The following SLC6A15 variants were observed in gnomAD, a reference collection of about 807,000 sequenced individuals.
SLC6A15 encodes the protein solute carrier family 6 member 15.
In SLC6A15, 33 loss-of-function variants were observed where a neutral mutation model predicts 68.5. The observed-to-expected ratio is 0.48, with a 90% CI of 0.37 to 0.64. SLC6A15 has a LOEUF of 0.64. Among genes scored for constraint, SLC6A15 ranks in the 30% least tolerant of loss-of-function variants. The pLI, the probability that SLC6A15 is intolerant of heterozygous loss-of-function variation, is 0.00. For synonymous variants in SLC6A15, 347 were observed against 301.0 expected, an observed-to-expected ratio of 1.15 and a Z score of -1.58; for missense variants, 747 against 874.3, an observed-to-expected ratio of 0.85 and a Z score of 1.84.
chr12:84,906,186 T>C (rs1028665309), intron 1 of SLC6A15, among the ~76,000 whole-genome samples: 3 of 152,108 alleles, frequency 2.0e-5, no homozygotes, highest in Admixed American at 2.0e-4. Flanking sequence ...AAAAATGCAA[T>C]AGCATTTACA....
At chr12:84,910,927 C>T (rs1293788793) in intron 1 of SLC6A15, among the ~76,000 whole-genome samples, 1 of 129,016 alleles carries the variant, frequency 7.8e-6, no homozygotes, top group Non-Finnish European at 1.6e-5. Context: ...CGCCCTCTTT[C>T]CGTGTGTGTG....
intron 1 of SLC6A15, among the ~76,000 whole-genome samples, chr12:84,893,243 C>G (rs1053934087): frequency 6.6e-6 from 1 of 152,096 alleles, no homozygotes; most frequent in Non-Finnish European, 1.5e-5. Flanking sequence ...AACATTATTA[C>G]AACAGGAAAG....
chr12:84,863,763 A>C (rs1870951179), intron 10 of SLC6A15, among the ~76,000 whole-genome samples, 162 bp from the exon 11 acceptor site: 1 of 152,120 alleles, frequency 6.6e-6, no homozygotes, highest in Admixed American at 6.5e-5. Flanking sequence ...AAGTAAAATG[A>C]AGCCAGGTAA....
intron 9 of SLC6A15, chr12:84,867,511 C>T (rs190678575): frequency 1.0e-3 from 165 of 164,752 alleles, no homozygotes; most frequent in African/African-American, 3.5e-3. Context: ...ATACTCTATT[C>T]GTATAATTAA....
In SLC6A15 at chr12:84,876,641, A is replaced by G. The variant is rs189587484; in HGVS notation, c.757-34T>C. ...AAATAAAAATAAAAATAAGTGAGATACAATGACCATTTTTTTATAGATAAG... is the reference window on the plus strand; with the variant it reads ...AAATAAAAATAAAAATAAGTGAGATGCAATGACCATTTTTTTATAGATAAG... On this transcript the variant is annotated intron_variant, in intron 5 of 11. Coordinates refer to ENST00000266682, the MANE Select transcript of SLC6A15 (RefSeq NM_182767.6). 2.2e-5 allele frequency: 23 copies of G among 1,027,814 alleles called. No individual in the cohort carries two copies. In the African/African-American group the frequency reaches 3.4e-4, roughly 15 times the overall value. The allele number at this position is 1,027,814 out of a possible 1,614,324, so 63.7% of individuals were successfully genotyped here.
At chr12:84,900,891 T>C (rs1179150538) in intron 1 of SLC6A15, among the ~76,000 whole-genome samples, 1 of 131,060 alleles carries the variant, frequency 7.6e-6, no homozygotes, top group Non-Finnish European at 1.6e-5. Flanking sequence ...AGTGGGTGTA[T>C]ATATGTGTAT....
At chr12:84,908,875 A>G (rs937568114) in intron 1 of SLC6A15, among the ~76,000 whole-genome samples, 23 of 152,140 alleles carry the variant, frequency 1.5e-4, no homozygotes, top group Admixed American at 2.6e-4. Context: ...AAATTCTTCA[A>G]AACTCTTGAT....
chr12:84,876,000 G>T (rs975744063), intron 6 of SLC6A15, among the ~76,000 whole-genome samples: 1 of 151,290 alleles, frequency 6.6e-6, no homozygotes, highest in Non-Finnish European at 1.5e-5. Context: ...CTCTGAGAGA[G>T]TATTTTAGGG....
intron 1 of SLC6A15, among the ~76,000 whole-genome samples, chr12:84,906,302 G>A (rs1253452651): frequency 6.7e-6 from 1 of 148,890 alleles, no homozygotes; most frequent in Non-Finnish European, 1.5e-5. Flanking sequence ...AGATCTAAAT[G>A]TATGGGAAGA....
At chr12:84,880,269 G>C (rs1227216541) in intron 5 of SLC6A15, among the ~76,000 whole-genome samples, 1 of 152,086 alleles carries the variant, frequency 6.6e-6, no homozygotes, top group African/African-American at 2.4e-5. Context: ...GGAGTCAGCA[G>C]GTTACTTAAA....
At chr12:84,889,174 C>T (rs995151537) in intron 2 of SLC6A15, among the ~76,000 whole-genome samples, 3 of 152,124 alleles carry the variant, frequency 2.0e-5, no homozygotes, top group Non-Finnish European at 4.4e-5. Flanking sequence ...TATATGGCTG[C>T]CTATACTTCA....
intron 11 of SLC6A15, among the ~76,000 whole-genome samples, chr12:84,862,977 G>C (rs906105548): frequency 3.9e-5 from 6 of 152,062 alleles, no homozygotes; most frequent in Non-Finnish European, 7.4e-5. Flanking sequence ...CTTTTGTAGA[G>C]ACAGGGATTC....
chr12:84,878,757 T>C (rs1871678042), intron 5 of SLC6A15, among the ~76,000 whole-genome samples: 2 of 152,200 alleles, frequency 1.3e-5, no homozygotes, highest in South Asian at 2.1e-4. Context: ...AATCTACCCT[T>C]AGTATGTCCC....
chr12:84,909,645 A>G (rs1873344296), intron 1 of SLC6A15, among the ~76,000 whole-genome samples: 3 of 152,186 alleles, frequency 2.0e-5, no homozygotes, highest in Non-Finnish European at 2.9e-5. Context: ...TCTACTCTGC[A>G]CAGCTGCATA....
rs907935981 is a variant in SLC6A15, at chr12:84,873,245, G to A, written c.951C>T (p.Val317=). The A allele has an allele frequency of 6.2e-6, 10 of 1,613,886 alleles. No individual in the cohort carries two copies. The highest frequency in any genetic ancestry group is 6.8e-6 in the Non-Finnish European group (8 of 1,179,954). Residue 317 remains valine, a synonymous_variant, in exon 7 of 12, where the codon GTC becomes GTT. Coordinates refer to ENST00000266682, the MANE Select transcript of SLC6A15 (RefSeq NM_182767.6). ...FFALGLGFGG[V]IAFSSYNKRD... is the part of the protein sequence containing the mutation. ...TCTTGTTGTAGCTTGAAAAGGCAAT[G>A]ACACCACCAAATCCCAGACCTAAGG... is the stretch of plus-strand genomic sequence containing the variant.
At chr12:84,864,933 A>G (rs1255040874) in intron 10 of SLC6A15, among the ~76,000 whole-genome samples, 7 of 152,178 alleles carry the variant, frequency 4.6e-5, no homozygotes. Flanking sequence ...AGATGCATCT[A>G]TTAGTAGTAG....
At chr12:84,887,459 T>C (rs1872168272) in intron 2 of SLC6A15, among the ~76,000 whole-genome samples, 1 of 152,188 alleles carries the variant, frequency 6.6e-6, no homozygotes, top group Admixed American at 6.5e-5. Context: ...TACATAGTGG[T>C]TGCTACATAA....
chr12:84,876,671 T>C (rs962821722), intron 5 of SLC6A15, 64 bp from the exon 6 acceptor site: 1 of 721,598 alleles, frequency 1.4e-6, no homozygotes. Context: ...GATAAGATTT[T>C]ATATGTTAGT....
intron 1 of SLC6A15, among the ~76,000 whole-genome samples, chr12:84,895,381 A>C (rs1427889454): frequency 1.9e-5 from 2 of 103,592 alleles, no homozygotes; most frequent in Non-Finnish European, 3.4e-5. Flanking sequence ...ATGGAGTCTC[A>C]CTCTGTCCCC....
Sources: gnomAD v4.1 joint callset for allele counts (sites outside exome capture counted in the v4.1 genomes callset) on GRCh38, gnomAD v4.1.1 for gene constraint, MANE v1.5 for transcripts, NCBI Gene and HGNC (gene_info 2026-07-23, HGNC 2026-07-21) for gene names.